Variants in DLG2 observed in about 807,000 individuals in gnomAD.
DLG2 encodes disks large homolog 2.
DLG2 carries 45 observed loss-of-function variants against 132.5 expected under a neutral mutation model. The ratio of observed to expected loss-of-function variants is 0.34; its 90% CI spans 0.27 to 0.44. DLG2 has a LOEUF of 0.44. DLG2 is among the 20% of genes least tolerant of loss of function. The pLI is 1.00. For missense variants in DLG2, 1,045 were observed against 1,196.9 expected, an observed-to-expected ratio of 0.87 and a Z score of 1.87; for synonymous variants, 424 against 419.6, an observed-to-expected ratio of 1.01 and a Z score of -0.13.
chr11:84,050,893 C>A (rs2096361370), intron 11 of DLG2, among the ~76,000 whole-genome samples: 1 of 151,888 alleles, frequency 6.6e-6, no homozygotes, highest in South Asian at 2.1e-4. Context: ...GTTTTGGTAC[C>A]AGTACCATGC....
intron 3 of DLG2, among the ~76,000 whole-genome samples, chr11:85,461,562 G>C (rs1191257126): frequency 6.6e-6 from 1 of 152,188 alleles, no homozygotes; most frequent in Admixed American, 6.5e-5. Flanking sequence ...TGTGACTGAA[G>C]AGGCCAGTGA....
chr11:84,708,670 C>G (rs1235989383), intron 6 of DLG2, among the ~76,000 whole-genome samples: 1 of 151,868 alleles, frequency 6.6e-6, no homozygotes, highest in Non-Finnish European at 1.5e-5. Flanking sequence ...CCCACTCATA[C>G]TGCTGTAGCT....
intron 6 of DLG2, among the ~76,000 whole-genome samples, chr11:84,841,079 A>G (rs1176610208): frequency 6.6e-6 from 1 of 151,932 alleles, no homozygotes; most frequent in Non-Finnish European, 1.5e-5. Context: ...GCAGCAATAA[A>G]AAGAGTGCAG....
intron 18 of DLG2, among the ~76,000 whole-genome samples, chr11:83,745,340 G>A (rs1185323577): frequency 1.3e-5 from 2 of 152,092 alleles, no homozygotes; most frequent in Non-Finnish European, 2.9e-5. Flanking sequence ...CATTGATTTA[G>A]CTTTCTTCTG....
chr11:84,432,524 A>C (rs905838775), intron 7 of DLG2, among the ~76,000 whole-genome samples: 1 of 144,768 alleles, frequency 6.9e-6, no homozygotes, highest in Non-Finnish European at 1.5e-5. Context: ...GCAAAGAGCA[A>C]GGCTAATTTA....
chr11:85,412,999 T>C (rs532989177), intron 3 of DLG2, among the ~76,000 whole-genome samples: 3 of 151,862 alleles, frequency 2.0e-5, no homozygotes, highest in Admixed American at 1.3e-4. Flanking sequence ...CTGTTTTCCA[T>C]AGTGGTTGTA....
chr11:85,082,640 G>T (rs987809205), intron 6 of DLG2, among the ~76,000 whole-genome samples: 3 of 151,606 alleles, frequency 2.0e-5, no homozygotes, highest in African/African-American at 7.3e-5. Context: ...AAAAGGGAAG[G>T]AGGAAAAAAG....
intron 3 of DLG2, among the ~76,000 whole-genome samples, chr11:85,309,944 T>A (rs1440890099): frequency 6.6e-6 from 1 of 152,174 alleles, no homozygotes. Flanking sequence ...TTTATCACCA[T>A]ATTCCTACTA....
intron 2 of DLG2, among the ~76,000 whole-genome samples, chr11:85,623,442 T>C (rs1158203577): frequency 6.6e-6 from 1 of 152,022 alleles, no homozygotes; most frequent in African/African-American, 2.4e-5. Context: ...GTAGCTGGGA[T>C]TACAGGCACG....
chr11:85,569,201 T>C (rs955697501), intron 3 of DLG2, among the ~76,000 whole-genome samples: 11 of 152,036 alleles, frequency 7.2e-5, no homozygotes, highest in African/African-American at 2.4e-4. Flanking sequence ...CCAGTTAATT[T>C]TTGTATTTTT....
chr11:83,930,643 A>G (rs375708924), intron 14 of DLG2, among the ~76,000 whole-genome samples, 160 bp from the exon 15 acceptor site: 14 of 152,200 alleles, frequency 9.2e-5, no homozygotes, highest in African/African-American at 2.9e-4. Flanking sequence ...AACTTTTCTT[A>G]TAATAAAGAC....
At chr11:83,778,669 T>A (rs2094686084) in intron 18 of DLG2, among the ~76,000 whole-genome samples, 1 of 152,076 alleles carries the variant, frequency 6.6e-6, no homozygotes, top group Non-Finnish European at 1.5e-5. Context: ...GTTTTCTAAT[T>A]TAGGAGTTAG....
chr11:85,038,535 C>T (rs1171934568), intron 6 of DLG2, among the ~76,000 whole-genome samples: 1 of 152,010 alleles, frequency 6.6e-6, no homozygotes, highest in Non-Finnish European at 1.5e-5. Flanking sequence ...ACATGTCTTT[C>T]TCCATATCGT....
intron 12 of DLG2, among the ~76,000 whole-genome samples, chr11:83,974,828 T>G (rs1221108088): frequency 1.3e-5 from 2 of 152,082 alleles, no homozygotes; most frequent in African/African-American, 4.8e-5. Flanking sequence ...CTTTCTCATC[T>G]GAGTCCAGTG....
chr11:85,193,454 T>C (rs973590682), intron 4 of DLG2, among the ~76,000 whole-genome samples: 2 of 152,226 alleles, frequency 1.3e-5, no homozygotes, highest in East Asian at 1.9e-4. Context: ...CTGACAACTG[T>C]GTTTAACATT....
At chr11:84,445,784 C>T (rs540455392) in intron 7 of DLG2, among the ~76,000 whole-genome samples, 1 of 151,804 alleles carries the variant, frequency 6.6e-6, no homozygotes, top group Admixed American at 6.6e-5. Context: ...GGTGTGGTAG[C>T]GGGCGCCTGT....
At chr11:83,505,430 G>C (rs1244711807) in intron 21 of DLG2, among the ~76,000 whole-genome samples, 1 of 152,122 alleles carries the variant, frequency 6.6e-6, no homozygotes, top group Non-Finnish European at 1.5e-5. Context: ...GGGGTGGCTG[G>C]GGAAAAAGAC....
intron 17 of DLG2, among the ~76,000 whole-genome samples, chr11:83,829,611 T>C (rs2053881553): frequency 6.6e-6 from 1 of 152,256 alleles, no homozygotes; most frequent in Non-Finnish European, 1.5e-5. Flanking sequence ...ATTCCATTAT[T>C]AGTAATTCTT....
chr11:83,482,747 G>A (rs1400979023), intron 22 of DLG2, among the ~76,000 whole-genome samples: 1 of 152,080 alleles, frequency 6.6e-6, no homozygotes, highest in Non-Finnish European at 1.5e-5. Flanking sequence ...TGCTTTTAGA[G>A]AATGCATGTT....
Sources: allele counts gnomAD v4.1 joint callset (sites outside exome capture counted in the v4.1 genomes callset), GRCh38; gene constraint gnomAD v4.1.1; transcripts MANE v1.5; gene names NCBI Gene and HGNC (gene_info 2026-07-23, HGNC 2026-07-21).